ATG13: variants seen among roughly 807,000 people sequenced by gnomAD.
ATG13 encodes the protein autophagy-related protein 13.
ATG13 carries 23 observed loss-of-function variants against 65.5 expected under a neutral mutation model. The observed-to-expected ratio is 0.35, with a 90% CI of 0.25 to 0.50. ATG13 has a LOEUF of 0.50. ATG13 is among the 20% of genes least tolerant of loss of function. ATG13 has a pLI of 0.98. For missense variants in ATG13, 566 were observed against 677.0 expected, an observed-to-expected ratio of 0.84 and a Z score of 1.82; for synonymous variants, 252 against 245.2, an observed-to-expected ratio of 1.03 and a Z score of -0.26.
intron 2 of ATG13, among the ~76,000 whole-genome samples, chr11:46,633,672 A>G (rs2052822605): frequency 6.6e-6 from 1 of 151,934 alleles, no homozygotes; most frequent in Non-Finnish European, 1.5e-5. Context: ...TTAGCTGCAC[A>G]TGGTGTTGCG....
rs763415225 is a variant in ATG13, at chr11:46,644,281, T to G, written c.-11T>G. On this transcript the variant is annotated splice_region_variant and 5_prime_UTR_variant, in exon 3 of 19. It adds an upstream start codon to the 5' untranslated region. Coordinates refer to ENST00000683050, the MANE Select transcript of ATG13 (RefSeq NM_001346311.2). ...TTTTTTTCACTTTTTTTTTTTAGAT[T>G]CCTATAGGCAATGGAAACTGATCTC... 1 of 1,579,042 alleles carries G rather than the reference T, an allele frequency of 6.3e-7. No homozygotes were observed. Among genetic ancestry groups the G allele is most frequent in the Admixed American group, 2.0e-5 (1 of 49,566 alleles).
intron 5 of ATG13, among the ~76,000 whole-genome samples, chr11:46,648,517 G>A (rs552078344): frequency 6.6e-6 from 1 of 151,232 alleles, no homozygotes; most frequent in South Asian, 2.2e-4. Flanking sequence ...AGTGGCTTAC[G>A]CCTGTAATCC....
At chr11:46,636,957 G>T (rs955816190) in intron 2 of ATG13, among the ~76,000 whole-genome samples, 11 of 151,976 alleles carry the variant, frequency 7.2e-5, no homozygotes, top group Admixed American at 2.6e-4. Context: ...TCGATCTCTT[G>T]ACCTTGTAAT....
intron 3 of ATG13, 27 bp from the exon 4 acceptor site, chr11:46,645,312 T>C: frequency 6.3e-7 from 1 of 1,594,432 alleles, no homozygotes; most frequent in Non-Finnish European, 8.5e-7. Context: ...CATTTTAGGA[T>C]TTCTTTTGTG....
At chr11:46,626,837 C>A (rs2049840917) in intron 1 of ATG13, among the ~76,000 whole-genome samples, 1 of 152,222 alleles carries the variant, frequency 6.6e-6, no homozygotes, top group African/African-American at 2.4e-5. Context: ...TCCCCATCTT[C>A]ATTTATTGCA....
chr11:46,621,668 G>C (rs748500317), intron 1 of ATG13, among the ~76,000 whole-genome samples: 24 of 152,026 alleles, frequency 1.6e-4, no homozygotes, highest in Non-Finnish European at 2.2e-4. Context: ...CATGATAGAT[G>C]GCAAACCTCT....
intron 2 of ATG13, among the ~76,000 whole-genome samples, chr11:46,632,117 C>T (rs1197822259): frequency 6.6e-6 from 1 of 152,146 alleles, no homozygotes; most frequent in Admixed American, 6.6e-5. Flanking sequence ...CTATAAGTAT[C>T]AAGTCACAGG....
chr11:46,633,777 C>T (rs548547331), intron 2 of ATG13, among the ~76,000 whole-genome samples: 13 of 152,278 alleles, frequency 8.5e-5, no homozygotes, highest in Admixed American at 1.3e-4. Context: ...CGCCACTACA[C>T]TCCAGCCTGG....
Position 46,619,372 on chromosome 11 carries a change from C to CTTT in ATG13, c.-70+1509_-70+1511dup, listed in dbSNP as rs746642470. 9.1e-4 allele frequency among the ~76,000 whole-genome samples: 32 copies of CTTT among 35,328 alleles called. 5 individuals carry two copies. The highest frequency in any genetic ancestry group is 1.4e-3 in the African/African-American group (11 of 7,974). The allele number at this position is 35,328 out of a possible 152,430, so 23.2% of individuals were successfully genotyped here. On this transcript the variant is annotated intron_variant, in intron 1 of 18. Coordinates refer to ENST00000683050, the MANE Select transcript of ATG13 (RefSeq NM_001346311.2). ...ATGTCCTTGGAAGGTAGATTTCTTG[C>CTTT]TTTTTTTTTTTTTTTTTTTTTTTTT...
chr11:46,645,861 G>GTT lies in ATG13; in HGVS notation c.151-6_151-5dup. ...AGTGTTTCATGCAAAAGTCCCTTTT[G>GTT]TTTTCCAGTTCAACTTAGCAATCAA... On this transcript the variant is annotated splice_polypyrimidine_tract_variant and intron_variant, in intron 4 of 18. Coordinates refer to ENST00000683050, the MANE Select transcript of ATG13 (RefSeq NM_001346311.2). 4 of 1,613,874 alleles carry GTT rather than the reference G, an allele frequency of 2.5e-6. No individual in the cohort carries two copies. The highest frequency in any genetic ancestry group is 2.5e-6 in the Non-Finnish European group (3 of 1,179,926).
At position 46,657,640 on chromosome 11, in the gene ATG13, G is replaced by T; in HGVS notation, c.695+18G>T. 6.4e-7 allele frequency: 1 copy of T among 1,566,110 alleles called. No individual in the cohort carries two copies. The highest frequency in any genetic ancestry group is 8.7e-7 in the Non-Finnish European group (1 of 1,152,910). On this transcript the variant is annotated intron_variant, in intron 10 of 18. Coordinates refer to ENST00000683050, the MANE Select transcript of ATG13 (RefSeq NM_001346311.2). ...AATTACAGGTGAGGAATGTGAAAAGGTGCTCTCCCAAACTGCAGCTGGGCA... is the reference window on the plus strand; with the variant it reads ...AATTACAGGTGAGGAATGTGAAAAGTTGCTCTCCCAAACTGCAGCTGGGCA...
At chr11:46,622,558 C>T (rs767146443) in intron 1 of ATG13, among the ~76,000 whole-genome samples, 7 of 152,108 alleles carry the variant, frequency 4.6e-5, no homozygotes, top group Admixed American at 2.0e-4. Context: ...CAAACTACTG[C>T]GGAAAGTTTT....
chr11:46,659,552 G>A lies in ATG13; in HGVS notation c.789+67G>A, dbSNP rs916913442. ...ATATATATGGGCTTTATGAAATGGTGTCCAAATTTAGCTACAATCCCTTTT... is the reference window on the plus strand; with the variant it reads ...ATATATATGGGCTTTATGAAATGGTATCCAAATTTAGCTACAATCCCTTTT... On this transcript the variant is annotated intron_variant, in intron 11 of 18. Coordinates refer to ENST00000683050, the MANE Select transcript of ATG13 (RefSeq NM_001346311.2). 16 of 1,347,334 alleles carry A rather than the reference G, an allele frequency of 1.2e-5. No homozygotes were observed. The African/African-American group carries it at 2.0e-4, about 17-fold the overall frequency. The allele number at this position is 1,347,334 out of a possible 1,614,324, so 83.5% of individuals were successfully genotyped here. A position where few individuals can be genotyped will look rare whatever the true frequency, so the allele number is the denominator to read the frequency against.
chr11:46,665,660 C>G, intron 14 of ATG13, 141 bp downstream of exon 14: 1 of 1,220,148 alleles, frequency 8.2e-7, no homozygotes, highest in Non-Finnish European at 1.1e-6. Context: ...GCATGGACTC[C>G]TAGCTGGGAG....
chr11:46,650,436 G>A (rs2058656385), intron 7 of ATG13, 119 bp downstream of exon 7: 1 of 1,346,960 alleles, frequency 7.4e-7, no homozygotes, highest in Admixed American at 2.1e-5. Flanking sequence ...TTGGATTATT[G>A]ATGCTGTCGC....
chr11:46,622,065 T>G (rs1192787807), intron 1 of ATG13, among the ~76,000 whole-genome samples: 1 of 119,156 alleles, frequency 8.4e-6, no homozygotes, highest in Non-Finnish European at 1.7e-5. Flanking sequence ...CTTCAGAGAT[T>G]TATTTATTTA....
intron 18 of ATG13, among the ~76,000 whole-genome samples, chr11:46,671,592 C>T (rs1369488071): frequency 1.3e-5 from 2 of 152,052 alleles, no homozygotes; most frequent in African/African-American, 4.8e-5. Context: ...AAAAAATTAG[C>T]TGGGCTTGGT....
chr11:46,648,954 T>C (rs1364963658), intron 5 of ATG13, 183 bp from the exon 6 acceptor site: 1 of 430,650 alleles, frequency 2.3e-6, no homozygotes, highest in Non-Finnish European at 4.0e-6. Context: ...AAAAAACAAG[T>C]CATCAAAATA....
Position 46,664,943 on chromosome 11 carries a change from C to G in ATG13, c.983C>G (p.Ala328Gly), listed in dbSNP as rs1283708401. 6.2e-7 allele frequency: 1 copy of G among 1,613,790 alleles called. No individual in the cohort carries two copies. The highest frequency in any genetic ancestry group is 2.2e-5 in the East Asian group (1 of 44,882). ...YPVVFAAGLN[A>G]THPHQLMVPG... ...GTAGTGTTTGCTGCTGGCTTAAATG[C>G]TACACACCCTCACCAGGTATCTTTA... The change falls in exon 13 of 19, where the codon GCT becomes GGT. Residue 328 changes from alanine to glycine, a missense_variant. Transcript: ENST00000683050.
Sources: gnomAD v4.1 joint callset for allele counts (sites outside exome capture counted in the v4.1 genomes callset) on GRCh38, gnomAD v4.1.1 for gene constraint, MANE v1.5 for transcripts, NCBI Gene and HGNC (gene_info 2026-07-23, HGNC 2026-07-21) for gene names.